CHCHD6: variants seen among roughly 807,000 people sequenced by gnomAD.
CHCHD6 encodes the protein MICOS complex subunit MIC25.
In CHCHD6, 28 loss-of-function variants were observed where a neutral mutation model predicts 32.3. The ratio of observed to expected loss-of-function variants is 0.87; its 90% confidence interval spans 0.64 to 1.19. The LOEUF (loss-of-function observed/expected upper bound fraction) is 1.19, where lower values mean the gene tolerates loss of function less well. Ranked by LOEUF, CHCHD6 falls within the 50% of genes most tolerant of loss-of-function variation. The probability of loss-of-function intolerance (pLI) is 0.00; values close to 1 mark genes in which losing one functional copy is unlikely to be tolerated. For missense variants in CHCHD6, 333 were observed against 307.0 expected (o/e 1.08, Z -0.63); for synonymous variants, 122 against 117.5 (o/e 1.04, Z -0.25).
intron 4 of CHCHD6, among the ~76,000 whole-genome samples, chr3:126,776,357 A>C (rs1321361681): frequency 2.6e-5 from 4 of 152,210 alleles, no homozygotes; most frequent in Non-Finnish European, 5.9e-5. Context: ...TTTCAAGAAG[A>C]GTTCTGATTA....
chr3:126,898,653 C>G (rs1265830479), intron 5 of CHCHD6, among the ~76,000 whole-genome samples: 1 of 152,184 alleles, frequency 6.6e-6, no homozygotes, highest in Admixed American at 6.5e-5. Context: ...ATTCACCAGT[C>G]TTAGCCTACT....
chr3:126,758,864 A>G (rs1482126358), intron 4 of CHCHD6, among the ~76,000 whole-genome samples: 1 of 152,172 alleles, frequency 6.6e-6, no homozygotes, highest in Non-Finnish European at 1.5e-5. Flanking sequence ...ACCCTGCGTC[A>G]CTTATGTTGT....
intron 4 of CHCHD6, among the ~76,000 whole-genome samples, chr3:126,830,557 T>C (rs1940597006): frequency 6.6e-6 from 1 of 152,232 alleles, no homozygotes; most frequent in Non-Finnish European, 1.5e-5. Flanking sequence ...AGTGTTCTGT[T>C]CACCTTTCTT....
In CHCHD6 at chr3:126,852,631, G is replaced by A. The variant is rs1490783518; in HGVS notation, c.412-16G>A. 22 of 1,610,192 alleles carry A rather than the reference G, an allele frequency of 1.4e-5. No individual in the cohort carries two copies. The highest frequency in any genetic ancestry group is 1.9e-5 in the Non-Finnish European group (22 of 1,176,598). On this transcript the variant is annotated splice_polypyrimidine_tract_variant and intron_variant, in intron 4 of 7. Transcript: ENST00000290913. ...ATCGCTGCTGGCTAACGTGGGCTTT[G>A]TTCTCTTCCAAGCAGGCCAGGGAGC...
intron 4 of CHCHD6, among the ~76,000 whole-genome samples, chr3:126,840,572 A>G (rs1941032495): frequency 6.6e-6 from 1 of 152,204 alleles, no homozygotes; most frequent in South Asian, 2.1e-4. Context: ...AGATTAGCCC[A>G]TATCATCTCA....
intron 4 of CHCHD6, among the ~76,000 whole-genome samples, chr3:126,781,340 A>T (rs1937930501): frequency 6.6e-6 from 1 of 152,206 alleles, no homozygotes; most frequent in Non-Finnish European, 1.5e-5. Flanking sequence ...CAAGAGTTAG[A>T]AGCAGTAATA....
At chr3:126,834,662 T>C (rs1455065581) in intron 4 of CHCHD6, among the ~76,000 whole-genome samples, 1 of 152,206 alleles carries the variant, frequency 6.6e-6, no homozygotes, top group African/African-American at 2.4e-5. Flanking sequence ...TTTTGTGTGA[T>C]GATGACTATC....
intron 4 of CHCHD6, among the ~76,000 whole-genome samples, chr3:126,803,535 C>G (rs1939192397): frequency 6.6e-6 from 1 of 152,202 alleles, no homozygotes; most frequent in Non-Finnish European, 1.5e-5. Flanking sequence ...TATATCTGCA[C>G]CCAATACAGG....
In CHCHD6 at chr3:126,941,393, T is replaced by C. The variant is rs377133049; in HGVS notation, c.567-16023T>C. On this transcript the variant is annotated intron_variant, in intron 6 of 7. Coordinates refer to ENST00000290913, the MANE Select transcript of CHCHD6 (RefSeq NM_032343.3). ...ATGTTTTAAACCTGTTTAAGACATA[T>C]TAGGAAGCTATAGTTATTTAAAATA... 2.2e-3 allele frequency among the ~76,000 whole-genome samples: 328 copies of C among 152,352 alleles called. 4 individuals carry two copies. The highest frequency in any genetic ancestry group is 0.02 in the South Asian group (97 of 4,820).
intron 4 of CHCHD6, among the ~76,000 whole-genome samples, chr3:126,755,169 G>C (rs912613717): frequency 6.6e-6 from 1 of 152,228 alleles, no homozygotes; most frequent in East Asian, 1.9e-4. Context: ...AAAGAAATCA[G>C]AGTTGAGAAC....
intron 1 of CHCHD6, among the ~76,000 whole-genome samples, chr3:126,713,941 G>T (rs1934882341): frequency 6.6e-6 from 1 of 151,962 alleles, no homozygotes; most frequent in Non-Finnish European, 1.5e-5. Context: ...GCCGGGCATG[G>T]TGGTGGGTGC....
chr3:126,836,570 A>G (rs1212885107), intron 4 of CHCHD6, among the ~76,000 whole-genome samples: 2 of 152,224 alleles, frequency 1.3e-5, no homozygotes, highest in African/African-American at 4.8e-5. Flanking sequence ...CCAGGCTTTT[A>G]GAACTGTCCT....
chr3:126,929,785 C>A (rs1190546106), intron 6 of CHCHD6, among the ~76,000 whole-genome samples: 1 of 152,162 alleles, frequency 6.6e-6, no homozygotes, highest in African/African-American at 2.4e-5. Flanking sequence ...AGGCCGGTCT[C>A]GAACTCCTGA....
At position 126,838,892 on chromosome 3, in the gene CHCHD6, C is replaced by CT. The variant is rs1217788517; in HGVS notation, c.412-13739dup. ...CATTCATTTTATTCCTTCTTTTTTC[C>CT]TTTTTTTTTTTTTTTTGAGACAGTC... On this transcript the variant is annotated intron_variant, in intron 4 of 7. Transcript: ENST00000290913. Among the ~76,000 whole-genome samples the CT allele has an allele frequency of 7.8e-3, 1,085 of 139,504 alleles. 5 individuals are homozygous for CT. Among genetic ancestry groups the CT allele is most frequent in the East Asian group, 0.019 (90 of 4,860 alleles). 91.5% of individuals were successfully genotyped at this position (139,504 alleles called of 152,430 possible). A position where few individuals can be genotyped will look rare whatever the true frequency, so the allele number is the denominator to read the frequency against.
intron 5 of CHCHD6, among the ~76,000 whole-genome samples, chr3:126,863,288 TCAC>T (rs1942030599): frequency 1.4e-5 from 1 of 73,866 alleles, no homozygotes; most frequent in Non-Finnish European, 2.8e-5. Context: ...TCCACCATCA[TCAC>T]CACCTCCTCC....
intron 5 of CHCHD6, among the ~76,000 whole-genome samples, chr3:126,877,145 A>G (rs1322131124): frequency 6.6e-6 from 1 of 152,260 alleles, no homozygotes; most frequent in Non-Finnish European, 1.5e-5. Context: ...AGGAGAAACC[A>G]GGACCTAATG....
chr3:126,910,439 A>G (rs570200456), intron 5 of CHCHD6, among the ~76,000 whole-genome samples: 32 of 152,270 alleles, frequency 2.1e-4, no homozygotes, highest in African/African-American at 6.3e-4. Context: ...CTGCAGCAAC[A>G]GTGGCATCTC....
intron 4 of CHCHD6, among the ~76,000 whole-genome samples, chr3:126,750,456 T>C (rs1936680732): frequency 6.6e-6 from 1 of 152,258 alleles, no homozygotes; most frequent in African/African-American, 2.4e-5. Context: ...ATGGGGGCAG[T>C]GTTTTCTACC....
intron 4 of CHCHD6, among the ~76,000 whole-genome samples, chr3:126,813,958 T>C (rs1335991208): frequency 6.6e-6 from 1 of 152,170 alleles, no homozygotes; most frequent in Non-Finnish European, 1.5e-5. Flanking sequence ...GAGGAAGAGC[T>C]CAGATCCAAC....
Sources: allele counts gnomAD v4.1 joint callset (sites outside exome capture counted in the v4.1 genomes callset), GRCh38; gene constraint gnomAD v4.1.1; transcripts MANE v1.5; gene names NCBI Gene and HGNC (gene_info 2026-07-23, HGNC 2026-07-21).